Variants in DTX1 observed in about 807,000 individuals in gnomAD.
DTX1 encodes E3 ubiquitin-protein ligase DTX1.
DTX1 carries 26 observed loss-of-function variants against 57.8 expected under a neutral mutation model. The observed-to-expected ratio is 0.45, with a 90% confidence interval of 0.33 to 0.62. The LOEUF (loss-of-function observed/expected upper bound fraction) is 0.62. DTX1 is among the 20% of genes least tolerant of loss of function. The probability of loss-of-function intolerance (pLI) is 0.02; values close to 1 mark genes in which losing one functional copy is unlikely to be tolerated. For synonymous variants in DTX1, 398 were observed against 394.1 expected (o/e 1.01, Z -0.12); for missense variants, 704 against 895.3 (o/e 0.79, Z 2.73).
At position 113,077,515 on chromosome 12, in the gene DTX1, A is replaced by AG. The variant is rs2136059064; in HGVS notation, c.351_352insG (p.Trp118ValfsTer69). On this transcript the variant is annotated frameshift_variant, in exon 3 of 10. Coordinates refer to ENST00000548759, the MANE Select transcript of DTX1 (RefSeq NM_004416.3). LOFTEE classifies it high-confidence loss of function. The surrounding 1 kb of genome is among the most constrained non-coding windows in gnomAD (Gnocchi z 7.8). ...GGGAGTGGGAGAACGACGGCGGCGC[A>AG]TGGACGGCCTACGATATGGACATCT... 1.2e-6 allele frequency: 2 copies of AG among 1,609,712 alleles called. No individual in the cohort carries two copies.
chr12:113,080,297 CAG>C (rs1250318274), intron 3 of DTX1, among the ~76,000 whole-genome samples: 2 of 152,178 alleles, frequency 1.3e-5, no homozygotes, highest in Admixed American at 1.3e-4. Flanking sequence ...AGGGAGATCT[CAG>C]GGGGCTGAAG....
chr12:113,089,166 G>A (rs1325950420), intron 3 of DTX1, among the ~76,000 whole-genome samples: 1 of 152,186 alleles, frequency 6.6e-6, no homozygotes, highest in Non-Finnish European at 1.5e-5. Flanking sequence ...CCTGGGGTGG[G>A]AGTGTGCCTG....
At chr12:113,074,237 A>G (rs2044755794) in intron 2 of DTX1, among the ~76,000 whole-genome samples, 1 of 152,168 alleles carries the variant, frequency 6.6e-6, no homozygotes, top group African/African-American at 2.4e-5. Context: ...TCATATATAT[A>G]TATAGTCAGT....
At position 113,094,172 on chromosome 12, in the gene DTX1, G is replaced by T. The variant is rs993135803; in HGVS notation, c.1227+73G>T. The T allele has an allele frequency of 4.3e-6, 6 of 1,404,214 alleles. No homozygotes were observed. The African/African-American group carries it at 5.7e-5, about 13-fold the overall frequency. 87.0% of individuals were successfully genotyped at this position (1,404,214 alleles called of 1,614,324 possible). A position where few individuals can be genotyped will look rare whatever the true frequency, so the allele number is the denominator to read the frequency against. Reference sequence around the variant, plus strand: ...GCAGGAACCCTCACCCCTCCTCCTGGGTTCTGGGTGATACAGAGCTCTTCT... The same window carrying T: ...GCAGGAACCCTCACCCCTCCTCCTGTGTTCTGGGTGATACAGAGCTCTTCT... On this transcript the variant is annotated intron_variant, in intron 6 of 9. Transcript: ENST00000548759.
chr12:113,061,517 C>G (rs1333391097), intron 2 of DTX1, among the ~76,000 whole-genome samples: 1 of 152,186 alleles, frequency 6.6e-6, no homozygotes, highest in Non-Finnish European at 1.5e-5. Context: ...TCAGGCCTCT[C>G]CAGGTCTCAG....
chr12:113,059,701 A>G (rs949064529), intron 2 of DTX1, among the ~76,000 whole-genome samples: 3 of 152,170 alleles, frequency 2.0e-5, no homozygotes, highest in Non-Finnish European at 4.4e-5. Flanking sequence ...GGAAGTTCCT[A>G]TGAATCCCTG....
chr12:113,094,969 C>G (rs1389217640), intron 7 of DTX1, 22 bp downstream of exon 7: 1 of 1,608,448 alleles, frequency 6.2e-7, no homozygotes, highest in Admixed American at 1.7e-5. Context: ...GGGACAATGG[C>G]TGAGGAGTGG....
intron 1 of DTX1, among the ~76,000 whole-genome samples, chr12:113,057,222 C>T (rs572640791): frequency 6.6e-6 from 1 of 151,992 alleles, no homozygotes; most frequent in African/African-American, 2.4e-5. Context: ...GCTCCGGGAG[C>T]CAAGGAGGGC....
At chr12:113,070,560 C>T (rs545807632) in intron 2 of DTX1, among the ~76,000 whole-genome samples, 2 of 152,338 alleles carry the variant, frequency 1.3e-5, no homozygotes, top group Admixed American at 1.3e-4. Context: ...AACCCTCCCC[C>T]TTCTCCATGG....
intron 3 of DTX1, among the ~76,000 whole-genome samples, chr12:113,088,708 C>T (rs558918221): frequency 1.3e-5 from 2 of 152,292 alleles, no homozygotes; most frequent in South Asian, 2.1e-4. Flanking sequence ...AAAGTGGTTG[C>T]GGCCAGGCAC....
chr12:113,067,884 A>C (rs1023599349), intron 2 of DTX1, among the ~76,000 whole-genome samples: 1 of 152,036 alleles, frequency 6.6e-6, no homozygotes, highest in African/African-American at 2.4e-5. Flanking sequence ...AAAAACAAAA[A>C]AAAAAATAGC....
chr12:113,094,637 T>C, intron 6 of DTX1, 152 bp from the exon 7 acceptor site: 1 of 736,886 alleles, frequency 1.4e-6, no homozygotes, highest in African/African-American at 1.8e-5. Flanking sequence ...TAAAACAATG[T>C]ATGGGGCAGA....
At chr12:113,063,880 A>G (rs937549934) in intron 2 of DTX1, among the ~76,000 whole-genome samples, 2 of 152,190 alleles carry the variant, frequency 1.3e-5, no homozygotes, top group East Asian at 1.9e-4. Context: ...TTAGACACCA[A>G]CTGGGGACAG....
At chr12:113,065,038 A>G (rs1489924809) in intron 2 of DTX1, among the ~76,000 whole-genome samples, 2 of 152,166 alleles carry the variant, frequency 1.3e-5, no homozygotes, top group Non-Finnish European at 2.9e-5. Flanking sequence ...GGAGGCTGTG[A>G]TGGGAGATAG....
rs1451715334 is a variant in DTX1, at chr12:113,096,710, C to T, written c.1639-5C>T. The T allele has an allele frequency of 1.2e-6, 2 of 1,609,532 alleles. No homozygotes were observed. The highest frequency in any genetic ancestry group is 1.6e-4 in the Middle Eastern group (1 of 6,078). ...CCCGGCCCCACTGTGTCCCTGTCCC[C>T]CCAGGTGCTGCGGCTGCTCATCACG... On this transcript the variant is annotated splice_polypyrimidine_tract_variant and splice_region_variant and intron_variant, in intron 9 of 9. Coordinates refer to ENST00000548759, the MANE Select transcript of DTX1 (RefSeq NM_004416.3).
intron 3 of DTX1, among the ~76,000 whole-genome samples, chr12:113,083,272 T>C (rs73205294): frequency 1.3e-5 from 2 of 152,192 alleles, no homozygotes; most frequent in African/African-American, 2.4e-5. Context: ...CATGACTTCT[T>C]TGGGGCACAG....
intron 3 of DTX1, among the ~76,000 whole-genome samples, chr12:113,092,833 T>C (rs1218065099): frequency 6.6e-6 from 1 of 152,130 alleles, no homozygotes; most frequent in Non-Finnish European, 1.5e-5. Context: ...CCACTAGTAG[T>C]TGGGTTTCAG....
In DTX1 at chr12:113,093,531, A is replaced by ACC; in HGVS notation, c.1004-4_1004-3dup. Reference sequence around the variant, plus strand: ...CCCCGCCCTGTGACTGCGCCCCCTAACCCCCAGGGATGACCGGGATACTGC... The same window carrying ACC: ...CCCCGCCCTGTGACTGCGCCCCCTAACCCCCCCAGGGATGACCGGGATACTGC... On this transcript the variant is annotated splice_region_variant and splice_polypyrimidine_tract_variant and intron_variant, in intron 4 of 9. Transcript: ENST00000548759. The surrounding 1 kb of genome is among the most constrained non-coding windows in gnomAD (Gnocchi z 4.2). 1 of 1,595,526 alleles carries ACC rather than the reference A, an allele frequency of 6.3e-7. No homozygotes were observed. The highest frequency in any genetic ancestry group is 1.3e-5 in the African/African-American group (1 of 74,422).
In DTX1 at chr12:113,077,958, G is replaced by A. The variant is rs2136059426; in HGVS notation, c.794G>A (p.Gly265Asp). ...GCGCTCTGGGCAGCGCCCGCCGCCG[G>A]CCCCGCCGAGCCCGCGCCGCCTCCC... Reference protein sequence around the residue: ...GAALWAAPAAGPAEPAPPPGA... With the variant: ...GAALWAAPAADPAEPAPPPGA... The change falls in exon 3 of 10, where the codon GGC becomes GAC. Residue 265 changes from glycine (G) to aspartate (D), a missense_variant. Transcript: ENST00000548759. The surrounding 1 kb of genome is among the most constrained non-coding windows in gnomAD (Gnocchi z 7.8). The A allele has an allele frequency of 9.9e-7, 1 of 1,010,484 alleles. No homozygotes were observed. Among genetic ancestry groups the A allele is most frequent in the East Asian group, 9.9e-5 (1 of 10,124 alleles). The allele number at this position is 1,010,484 out of a possible 1,614,324, so 62.6% of individuals were successfully genotyped here.
Sources: gnomAD v4.1 joint callset for allele counts (sites outside exome capture counted in the v4.1 genomes callset) on GRCh38, gnomAD v4.1.1 for gene constraint, Gnocchi (gnomAD v3.1) non-coding constraint, MANE v1.5 for transcripts, NCBI Gene and HGNC (gene_info 2026-07-23, HGNC 2026-07-21) for gene names.